Variants in C3orf20 observed in about 807,000 individuals in gnomAD.
C3orf20 encodes the protein uncharacterized protein C3orf20.
A neutral mutation model predicts 88.3 loss-of-function variants in C3orf20; 76 were observed. The observed-to-expected ratio is 0.86, with a 90% CI of 0.72 to 1.04. The LOEUF (loss-of-function observed/expected upper bound fraction) is 1.04. Among genes scored for constraint, C3orf20 ranks in the 50% least tolerant of loss-of-function variants. The probability of loss-of-function intolerance (pLI) is 0.00; values close to 1 mark genes in which losing one functional copy is unlikely to be tolerated. For missense variants in C3orf20, 1,056 were observed against 1,123.3 expected (o/e 0.94, Z 0.86); for synonymous variants, 436 against 437.4 (o/e 1.00, Z 0.04).
intron 10 of C3orf20, among the ~76,000 whole-genome samples, chr3:14,724,265 T>G (rs2034273350): frequency 6.6e-6 from 1 of 152,238 alleles, no homozygotes; most frequent in Non-Finnish European, 1.5e-5. Flanking sequence ...TTATTTATTC[T>G]CATAAAATTG....
At chr3:14,760,634 G>A (rs2035532315) in intron 14 of C3orf20, among the ~76,000 whole-genome samples, 1 of 116,762 alleles carries the variant, frequency 8.6e-6, no homozygotes, top group Admixed American at 1.2e-4. Flanking sequence ...TTTTGAGACA[G>A]AGTCTCACTC....
chr3:14,762,932 C>A (rs1351872913), intron 15 of C3orf20, among the ~76,000 whole-genome samples: 1 of 152,152 alleles, frequency 6.6e-6, no homozygotes, highest in Non-Finnish European at 1.5e-5. Context: ...GAGCACTCAG[C>A]GGGGAAGGCA....
intron 15 of C3orf20, among the ~76,000 whole-genome samples, chr3:14,762,933 G>A (rs948959876): frequency 3.3e-5 from 5 of 152,228 alleles, no homozygotes; most frequent in Admixed American, 1.3e-4. Context: ...AGCACTCAGC[G>A]GGGAAGGCAG....
intron 6 of C3orf20, 146 bp downstream of exon 6, chr3:14,703,408 C>G: frequency 7.8e-7 from 1 of 1,281,238 alleles, no homozygotes; most frequent in East Asian, 2.4e-5. Context: ...GTGGTACTCC[C>G]CACGACAGCC....
At chr3:14,692,085 T>C (rs1038280627) in intron 5 of C3orf20, among the ~76,000 whole-genome samples, 1 of 152,250 alleles carries the variant, frequency 6.6e-6, no homozygotes, top group Non-Finnish European at 1.5e-5. Flanking sequence ...ATTCTCTTTT[T>C]ATGGCTGACT....
intron 9 of C3orf20, among the ~76,000 whole-genome samples, chr3:14,717,030 A>C (rs1198851126): frequency 6.6e-6 from 1 of 152,204 alleles, no homozygotes; most frequent in Non-Finnish European, 1.5e-5. Context: ...GGCAGGCATC[A>C]TAAGTTGTGT....
intron 9 of C3orf20, among the ~76,000 whole-genome samples, chr3:14,716,193 A>G (rs1419434950): frequency 2.0e-5 from 3 of 152,224 alleles, no homozygotes; most frequent in African/African-American, 7.2e-5. Context: ...TCTGGGGGGC[A>G]AAATTGCCCC....
intron 1 of C3orf20, among the ~76,000 whole-genome samples, chr3:14,675,990 C>T (rs1484161837): frequency 6.6e-6 from 1 of 152,164 alleles, no homozygotes; most frequent in Non-Finnish European, 1.5e-5. Context: ...CTGCACCCGG[C>T]CCTCCACTAC....
intron 7 of C3orf20, among the ~76,000 whole-genome samples, chr3:14,707,633 A>G (rs925795709): frequency 1.3e-5 from 2 of 152,114 alleles, no homozygotes; most frequent in African/African-American, 4.8e-5. Context: ...ATGATTTGCA[A>G]GTATTTTTTC....
intron 13 of C3orf20, among the ~76,000 whole-genome samples, chr3:14,757,907 T>A (rs1171012023): frequency 6.6e-6 from 1 of 152,208 alleles, no homozygotes; most frequent in Non-Finnish European, 1.5e-5. Context: ...TGTCACCACA[T>A]AAGGGCCAGG....
rs547043213 is a variant in C3orf20 at position 14,714,397 on chromosome 3, T to C, written c.1313+238T>C. On this transcript the variant is annotated intron_variant, in intron 8 of 16. Transcript: ENST00000253697. Reference sequence around the variant, plus strand: ...ATAAGAAGGACACCTTCCCAAGTCCTACTCCACTTGGTACCCCACAGCACT... The same window carrying C: ...ATAAGAAGGACACCTTCCCAAGTCCCACTCCACTTGGTACCCCACAGCACT... Among the ~76,000 whole-genome samples, 8 of 152,264 alleles carry C rather than the reference T, an allele frequency of 5.3e-5. No individual in the cohort carries two copies. In the South Asian group the frequency reaches 1.7e-3, roughly 32 times the overall value.
intron 5 of C3orf20, among the ~76,000 whole-genome samples, chr3:14,691,146 G>A (rs573099978): frequency 3.6e-3 from 549 of 152,358 alleles, no homozygotes; most frequent in Non-Finnish European, 5.9e-3. Context: ...GGACTTGTAA[G>A]ACAGAAAATG....
chr3:14,703,316 C>A (rs1346240371), intron 6 of C3orf20, 54 bp downstream of exon 6: 19 of 1,608,638 alleles, frequency 1.2e-5, no homozygotes, highest in Non-Finnish European at 1.5e-5. Flanking sequence ...GAAAGCCTGG[C>A]CCCCAGCTGG....
intron 5 of C3orf20, among the ~76,000 whole-genome samples, chr3:14,698,760 G>A (rs2033120258): frequency 6.6e-6 from 1 of 152,162 alleles, no homozygotes; most frequent in Admixed American, 6.5e-5. Context: ...AAGACCTGCT[G>A]TAACCACTAC....
Position 14,704,406 on chromosome 3 carries a change from A to G in C3orf20, c.948A>G (p.Ala316=). The G allele has an allele frequency of 6.2e-7, 1 of 1,614,158 alleles. No individual in the cohort carries two copies. Among genetic ancestry groups the G allele is most frequent in the Non-Finnish European group, 8.5e-7 (1 of 1,180,018 alleles). Residue 316 remains alanine, a synonymous_variant, in exon 7 of 17, where the codon GCA becomes GCG. Coordinates refer to ENST00000253697, the MANE Select transcript of C3orf20 (RefSeq NM_032137.5). ...CCATGATCTTACGAAACTACAAGGC[A>G]AAGATGCCCTCTCATCTAATGTTGG... ...SYPMILRNYK[A]KMPSHLMLAR... is the part of the protein sequence containing the mutation.
chr3:14,687,460 G>A (rs563761857), intron 4 of C3orf20, among the ~76,000 whole-genome samples: 1 of 152,328 alleles, frequency 6.6e-6, no homozygotes, highest in Admixed American at 6.5e-5. Context: ...TAGGCTCTGA[G>A]ACCACAGGTC....
intron 7 of C3orf20, among the ~76,000 whole-genome samples, chr3:14,707,820 C>CTTTTTTTTTTTTTTT (rs60474912): frequency 8.2e-6 from 1 of 122,154 alleles, no homozygotes. Context: ...GTGTTTTCCT[C>CTTTTTTTTTTTTTTT]TTTTTTTTTT....
In C3orf20 at chr3:14,682,827, T is replaced by C. The variant is rs2032170065; in HGVS notation, c.114T>C (p.Ser38=). 6.2e-7 allele frequency: 1 copy of C among 1,614,240 alleles called. No homozygotes were observed. The change falls in exon 3 of 17, where the codon TCT becomes TCC. Residue 38 remains serine (S), a synonymous_variant. Coordinates refer to ENST00000253697, the MANE Select transcript of C3orf20 (RefSeq NM_032137.5). ...LLMICQNAGI[S]VPKGIRNIFE... is the part of the protein sequence containing the mutation. ...TGATCTGCCAGAATGCAGGCATTTCTGTACCAAAAGGCATCAGAAACATCT... is the reference window on the plus strand; with the variant it reads ...TGATCTGCCAGAATGCAGGCATTTCCGTACCAAAAGGCATCAGAAACATCT...
intron 12 of C3orf20, among the ~76,000 whole-genome samples, chr3:14,747,837 T>C (rs2035101480): frequency 6.6e-6 from 1 of 151,922 alleles, no homozygotes; most frequent in Non-Finnish European, 1.5e-5. Flanking sequence ...TTATATTATA[T>C]ATATATGATA....
Sources: allele counts gnomAD v4.1 joint callset (sites outside exome capture counted in the v4.1 genomes callset), GRCh38; gene constraint gnomAD v4.1.1; transcripts MANE v1.5; gene names NCBI Gene and HGNC (gene_info 2026-07-23, HGNC 2026-07-21).